The following EXOC6 variants were observed in gnomAD, a reference collection of about 807,000 sequenced individuals.
EXOC6 encodes the protein SEC15-like 1.
EXOC6 carries 60 observed loss-of-function variants against 112.5 expected under a neutral mutation model. The ratio of observed to expected loss-of-function variants is 0.53; its 90% CI spans 0.43 to 0.66. The LOEUF is 0.66. EXOC6 is among the 30% of genes least tolerant of loss of function. EXOC6 has a pLI of 0.00. For synonymous variants in EXOC6, 295 were observed against 308.0 expected (o/e 0.96, Z 0.44); for missense variants, 855 against 957.1 (o/e 0.89, Z 1.41).
intron 17 of EXOC6, among the ~76,000 whole-genome samples, chr10:92,962,569 G>A (rs926297318): frequency 4.6e-5 from 7 of 151,840 alleles, no homozygotes; most frequent in African/African-American, 1.7e-4. Context: ...AAAAAAAATT[G>A]TTTTGTAGAG....
chr10:92,992,573 T>G (rs182381030), intron 18 of EXOC6, among the ~76,000 whole-genome samples: 1 of 152,260 alleles, frequency 6.6e-6, no homozygotes, highest in Admixed American at 6.5e-5. Context: ...TATTTACATT[T>G]GAACAAGATG....
At chr10:92,953,812 T>C (rs1279703691) in intron 15 of EXOC6, among the ~76,000 whole-genome samples, 2 of 152,196 alleles carry the variant, frequency 1.3e-5, no homozygotes, top group African/African-American at 4.8e-5. Context: ...AAACATCATA[T>C]TAAAATTAGT....
At chr10:92,955,424 T>G (rs910612744) in intron 16 of EXOC6, among the ~76,000 whole-genome samples, 156 bp from the exon 17 acceptor site, 27 of 152,088 alleles carry the variant, frequency 1.8e-4, no homozygotes, top group African/African-American at 6.5e-4. Context: ...ACGCAGTATT[T>G]GCAACAGGCT....
chr10:92,932,295 C>G (rs999691623), intron 9 of EXOC6, among the ~76,000 whole-genome samples: 1 of 151,980 alleles, frequency 6.6e-6, no homozygotes, highest in Admixed American at 6.6e-5. Context: ...GCTATGGGTT[C>G]GGCAGGATAA....
At chr10:93,009,422 A>G (rs1047830167) in intron 19 of EXOC6, among the ~76,000 whole-genome samples, 1 of 152,170 alleles carries the variant, frequency 6.6e-6, no homozygotes, top group African/African-American at 2.4e-5. Context: ...AATACTCATT[A>G]TAAGTCAGGC....
chr10:92,949,290 G>A (rs1853248558), intron 14 of EXOC6, among the ~76,000 whole-genome samples: 1 of 151,788 alleles, frequency 6.6e-6, no homozygotes, highest in Non-Finnish European at 1.5e-5. Context: ...AGCATATTAT[G>A]TGTACTAGTC....
chr10:92,853,957 G>A (rs1168254816), intron 1 of EXOC6, among the ~76,000 whole-genome samples: 1 of 148,862 alleles, frequency 6.7e-6, no homozygotes. Flanking sequence ...GCAGTGAGCC[G>A]TGATCATGCC....
At chr10:93,014,097 A>G (rs1361784135) in intron 19 of EXOC6, 97 bp from the exon 20 acceptor site, 3 of 851,570 alleles carry the variant, frequency 3.5e-6, no homozygotes, top group Non-Finnish European at 5.6e-6. Context: ...TGTAAATATT[A>G]TAATGCATTT....
chr10:92,831,128 G>T (rs1207393397), upstream of EXOC6, among the ~76,000 whole-genome samples: 8 of 152,124 alleles, frequency 5.3e-5, no homozygotes, highest in Non-Finnish European at 7.3e-5. Context: ...GTTGTTGCCC[G>T]TGTCTCCTAC....
intron 1 of EXOC6, among the ~76,000 whole-genome samples, chr10:92,829,197 A>G: frequency 6.6e-6 from 1 of 152,158 alleles, no homozygotes. Flanking sequence ...GCCCATTTGC[A>G]TGATAAGATT....
chr10:93,014,301 C>A, intron 20 of EXOC6, 34 bp downstream of exon 20: 1 of 1,534,360 alleles, frequency 6.5e-7, no homozygotes, highest in South Asian at 1.2e-5. Context: ...CATTTGTTGC[C>A]CTCTAACTCT....
At chr10:92,908,719 A>G (rs1441102357) in intron 5 of EXOC6, among the ~76,000 whole-genome samples, 2 of 152,236 alleles carry the variant, frequency 1.3e-5, no homozygotes, top group East Asian at 1.9e-4. Context: ...TCTAAAGAGA[A>G]CTAAATTATG....
At chr10:92,930,846 G>T (rs1179298281) in intron 9 of EXOC6, among the ~76,000 whole-genome samples, 2 of 152,048 alleles carry the variant, frequency 1.3e-5, no homozygotes, top group Non-Finnish European at 2.9e-5. Flanking sequence ...GAAAAAGCTG[G>T]CTCATGCCTG....
chr10:92,895,525 T>A (rs1426438934), intron 4 of EXOC6, among the ~76,000 whole-genome samples: 1 of 152,152 alleles, frequency 6.6e-6, no homozygotes, highest in Non-Finnish European at 1.5e-5. Context: ...CTCCTGTATT[T>A]TGGAAACGCT....
rs1851998773 is a variant in EXOC6, at chr10:92,931,056, G to A, written c.972+2634G>A. Among the ~76,000 whole-genome samples, 9 of 137,874 alleles carry A rather than the reference G, an allele frequency of 6.5e-5. No individual in the cohort carries two copies. In the Admixed American group the frequency reaches 7.0e-4, roughly 11 times the overall value. The allele number at this position is 137,874 out of a possible 152,430, so 90.5% of individuals were successfully genotyped here. On this transcript the variant is annotated intron_variant, in intron 9 of 21. Transcript: ENST00000260762. ...GAACCTGGGAGGTGGAGGTTGCAGT[G>A]AACTGAGATCGTACCATTGCACTCC...
intron 5 of EXOC6, chr10:92,900,556 C>G (rs1484272970): frequency 1.3e-5 from 2 of 151,110 alleles, no homozygotes; most frequent in Non-Finnish European, 2.9e-5. Context: ...TTCTGAAAGT[C>G]TTATTTTCTT....
chr10:92,854,771 G>C (rs1382215935), intron 1 of EXOC6, among the ~76,000 whole-genome samples: 1 of 152,084 alleles, frequency 6.6e-6, no homozygotes, highest in Non-Finnish European at 1.5e-5. Context: ...GTATTTTGTT[G>C]AGGATTTTTG....
At chr10:92,916,162 G>A in intron 7 of EXOC6, 1 of 300,872 alleles carries the variant, frequency 3.3e-6, no homozygotes, top group Non-Finnish European at 6.1e-6. Flanking sequence ...TGAAACCATA[G>A]CTTACTGCAT....
chr10:92,929,218 C>T lies in EXOC6; in HGVS notation c.972+796C>T, dbSNP rs116867956. 3.9e-5 allele frequency among the ~76,000 whole-genome samples: 6 copies of T among 152,258 alleles called. No individual in the cohort carries two copies. The East Asian group carries it at 1.2e-3, about 29-fold the overall frequency. On this transcript the variant is annotated intron_variant, in intron 9 of 21. Coordinates refer to ENST00000260762, the MANE Select transcript of EXOC6 (RefSeq NM_019053.6). ...CTAAAAATCCTTCTGTTCCCTCTGG[C>T]GAATACTGTAAGGAAAATTACCTAT...
Sources: gnomAD v4.1 joint callset for allele counts (sites outside exome capture counted in the v4.1 genomes callset) on GRCh38, gnomAD v4.1.1 for gene constraint, MANE v1.5 for transcripts, NCBI Gene and HGNC (gene_info 2026-07-23, HGNC 2026-07-21) for gene names.